DPP10: variants seen among roughly 807,000 people sequenced by gnomAD.
DPP10 encodes the protein dipeptidyl peptidase like 10.
Under a neutral mutation model 120.9 loss-of-function variants are expected in DPP10, and 33 were observed. The ratio of observed to expected loss-of-function variants is 0.27; its 90% CI spans 0.21 to 0.37. The LOEUF (loss-of-function observed/expected upper bound fraction) is 0.37. Among genes scored for constraint, DPP10 ranks in the 10% least tolerant of loss-of-function variants. DPP10 has a pLI of 1.00. For synonymous variants in DPP10, 337 were observed against 326.1 expected (o/e 1.03, Z -0.36); for missense variants, 816 against 942.8 (o/e 0.87, Z 1.76).
chr2:114,678,724 G>A (rs1050316765), intron 1 of DPP10, among the ~76,000 whole-genome samples: 2 of 151,944 alleles, frequency 1.3e-5, no homozygotes, highest in African/African-American at 2.4e-5. Flanking sequence ...ATTATTAAAC[G>A]CCCAGGCAGA....
intron 1 of DPP10, among the ~76,000 whole-genome samples, chr2:115,289,006 C>A (rs890564912): frequency 6.6e-6 from 1 of 152,122 alleles, no homozygotes; most frequent in African/African-American, 2.4e-5. Flanking sequence ...ATTAAACTAT[C>A]TCTGTTTGCC....
At chr2:115,233,548 C>T (rs932860537) in intron 1 of DPP10, among the ~76,000 whole-genome samples, 1 of 151,802 alleles carries the variant, frequency 6.6e-6, no homozygotes, top group Admixed American at 6.6e-5. Context: ...TCATGTGCTC[C>T]TTGCTTTCCC....
At chr2:115,695,567 A>G (rs1256804103) in intron 7 of DPP10, among the ~76,000 whole-genome samples, 1 of 152,096 alleles carries the variant, frequency 6.6e-6, no homozygotes, top group African/African-American at 2.4e-5. Flanking sequence ...ATTCACTATC[A>G]TGAGAACAGC....
At chr2:115,528,570 G>T (rs1461057943) in intron 5 of DPP10, among the ~76,000 whole-genome samples, 3 of 151,880 alleles carry the variant, frequency 2.0e-5, no homozygotes, top group African/African-American at 7.3e-5. Context: ...GCAAATATTT[G>T]CAGCAGCCTT....
At chr2:115,516,576 T>TG (rs199588607) in intron 4 of DPP10, among the ~76,000 whole-genome samples, 1,310 of 94,498 alleles carry the variant, frequency 0.014, 14 homozygotes, top group African/African-American at 0.038. Context: ...TATTCTTTGT[T>TG]TTTTTTTTTT....
rs546540900 is a variant in DPP10 at position 114,566,648 on chromosome 2, G to A, written c.60+123810G>A. ...TTAATTCTGATTGAATGCTATTTCC[G>A]TGTACCAGGTAGCAGTTGAAAGGCA... is the stretch of plus-strand genomic sequence containing the variant. On this transcript the variant is annotated intron_variant, in intron 1 of 25. Coordinates refer to ENST00000410059, the MANE Select transcript of DPP10 (RefSeq NM_020868.6). Among the ~76,000 whole-genome samples, 245 of 152,208 alleles carry A rather than the reference G, an allele frequency of 1.6e-3. 1 individual carries two copies. The highest frequency in any genetic ancestry group is 5.1e-3 in the African/African-American group (211 of 41,534).
At chr2:115,287,485 A>G (rs1264332561) in intron 1 of DPP10, among the ~76,000 whole-genome samples, 1 of 152,094 alleles carries the variant, frequency 6.6e-6, no homozygotes, top group South Asian at 2.1e-4. Flanking sequence ...TCATTATACT[A>G]CTATGTCTGC....
chr2:114,605,006 A>G (rs1289963696), intron 1 of DPP10, among the ~76,000 whole-genome samples: 1 of 152,090 alleles, frequency 6.6e-6, no homozygotes, highest in African/African-American at 2.4e-5. Flanking sequence ...TGTTGAATCA[A>G]ATTAATACTA....
intron 1 of DPP10, among the ~76,000 whole-genome samples, chr2:114,535,723 T>C (rs545265515): frequency 6.6e-6 from 1 of 152,308 alleles, no homozygotes; most frequent in African/African-American, 2.4e-5. Context: ...ACAGTTTTTT[T>C]TTCTGAATTA....
intron 3 of DPP10, among the ~76,000 whole-genome samples, chr2:115,496,506 C>G (rs1211884623): frequency 6.6e-6 from 1 of 152,230 alleles, no homozygotes; most frequent in East Asian, 1.9e-4. Context: ...TAAGGGAAAT[C>G]ATGATGAATT....
At chr2:115,312,007 A>G (rs2061599465) in intron 2 of DPP10, among the ~76,000 whole-genome samples, 1 of 152,000 alleles carries the variant, frequency 6.6e-6, no homozygotes, top group African/African-American at 2.4e-5. Flanking sequence ...TCTCTTGCCT[A>G]GGCCTCCCAA....
chr2:115,405,694 C>G (rs545276259), intron 3 of DPP10, among the ~76,000 whole-genome samples: 1 of 152,288 alleles, frequency 6.6e-6, no homozygotes, highest in East Asian at 1.9e-4. Context: ...GAATTAGCAC[C>G]ATATGGATGT....
Position 114,849,340 on chromosome 2 carries a change from TA to T in DPP10, c.60+406503del, listed in dbSNP as rs531825880. Among the ~76,000 whole-genome samples, 751 of 152,158 alleles carry T rather than the reference TA, an allele frequency of 4.9e-3. 3 individuals are homozygous for T. The highest frequency in any genetic ancestry group is 0.017 in the African/African-American group (695 of 41,514). On this transcript the variant is annotated intron_variant, in intron 1 of 25. Coordinates refer to ENST00000410059, the MANE Select transcript of DPP10 (RefSeq NM_020868.6). The stretch of plus-strand genomic sequence containing the variant: ...AGGGTAAGATAGGAGGCTATATATA[TA>T]TTTTTTTAAATTTAATTTTATGTTT...
chr2:115,542,096 A>G (rs962503110), intron 5 of DPP10, among the ~76,000 whole-genome samples: 3 of 151,888 alleles, frequency 2.0e-5, no homozygotes, highest in African/African-American at 2.4e-5. Context: ...CTGTTTTTGC[A>G]TATGCTCATT....
At chr2:114,985,444 G>T (rs538924458) in intron 1 of DPP10, among the ~76,000 whole-genome samples, 4 of 152,232 alleles carry the variant, frequency 2.6e-5, no homozygotes, top group South Asian at 2.1e-4. Flanking sequence ...CCTGTGTATT[G>T]TCTGCTCCAG....
chr2:115,758,540 T>G (rs1679712297), intron 11 of DPP10, among the ~76,000 whole-genome samples: 1 of 152,232 alleles, frequency 6.6e-6, no homozygotes, highest in South Asian at 2.1e-4. Flanking sequence ...TTAACCATAA[T>G]TTTAATATAA....
At chr2:115,567,817 A>C (rs1334649114) in intron 5 of DPP10, among the ~76,000 whole-genome samples, 1 of 152,218 alleles carries the variant, frequency 6.6e-6, no homozygotes, top group Non-Finnish European at 1.5e-5. Context: ...GCAGTGTTTG[A>C]GTGTGCTAGT....
rs1161646478 is a variant in DPP10, at chr2:115,111,786, G to A, written c.61-197453G>A. On this transcript the variant is annotated intron_variant, in intron 1 of 25. Coordinates refer to ENST00000410059, the MANE Select transcript of DPP10 (RefSeq NM_020868.6). ...AATCCTCAAGAGGTAGATTTCTCAC[G>A]AGATCCTTGAACATTTGGAAAACTG... Among the ~76,000 whole-genome samples, 4 of 152,280 alleles carry A rather than the reference G, an allele frequency of 2.6e-5. No individual in the cohort carries two copies. The South Asian group carries it at 6.2e-4, about 24-fold the overall frequency.
At chr2:114,988,515 C>T (rs546619022) in intron 1 of DPP10, among the ~76,000 whole-genome samples, 22 of 152,282 alleles carry the variant, frequency 1.4e-4, no homozygotes, top group African/African-American at 5.3e-4. Context: ...CTAATTGATC[C>T]ATCTTCTAAG....
Sources: allele counts gnomAD v4.1 joint callset (sites outside exome capture counted in the v4.1 genomes callset), GRCh38; gene constraint gnomAD v4.1.1; transcripts MANE v1.5; gene names NCBI Gene and HGNC (gene_info 2026-07-23, HGNC 2026-07-21).